QTMAN: variants seen among roughly 807,000 people sequenced by gnomAD.
QTMAN encodes the protein queuosine-tRNA mannosyltransferase.
chr2:144,052,184 A>G, the QTMAN span, among the ~76,000 whole-genome samples: 1,442 of 152,274 alleles, frequency 9.5e-3, 13 homozygotes, highest in Middle Eastern at 0.017. Context: ...CAGAAATGTT[A>G]AAGAGTCTGG....
the QTMAN span, among the ~76,000 whole-genome samples, chr2:144,272,637 T>A: frequency 6.6e-6 from 1 of 152,124 alleles, no homozygotes; most frequent in Non-Finnish European, 1.5e-5. Context: ...TCTGGGTTCT[T>A]CACAAGGCAA....
the QTMAN span, among the ~76,000 whole-genome samples, chr2:143,976,772 C>A: frequency 2.0e-5 from 3 of 152,344 alleles, no homozygotes; most frequent in South Asian, 6.2e-4. Context: ...CTTTCTCTAA[C>A]CCTACAGGTG....
At chr2:143,968,752 C>T in the QTMAN span, among the ~76,000 whole-genome samples, 1 of 152,076 alleles carries the variant, frequency 6.6e-6, no homozygotes, top group African/African-American at 2.4e-5. Flanking sequence ...CTTTTCTTTC[C>T]TTCCTTCTGT....
At chr2:144,127,791 T>A in the QTMAN span, 1 of 152,022 alleles carries the variant, frequency 6.6e-6, no homozygotes, top group Non-Finnish European at 1.5e-5. Context: ...GTGACATAAG[T>A]TGACCAAGAT....
chr2:144,195,530 C>CT, the QTMAN span, among the ~76,000 whole-genome samples: 1 of 152,058 alleles, frequency 6.6e-6, no homozygotes, highest in Non-Finnish European at 1.5e-5. Flanking sequence ...TAAAATAAAA[C>CT]TGATTGAAAG....
At chr2:143,984,818 C>A in the QTMAN span, among the ~76,000 whole-genome samples, 1 of 152,160 alleles carries the variant, frequency 6.6e-6, no homozygotes, top group African/African-American at 2.4e-5. Flanking sequence ...GAGAGATTAC[C>A]TTCCTTTTCC....
chr2:144,118,408 C>T, the QTMAN span, among the ~76,000 whole-genome samples: 1 of 152,030 alleles, frequency 6.6e-6, no homozygotes, highest in African/African-American at 2.4e-5. Context: ...TATCCATATT[C>T]CAAAAAGCTA....
At chr2:144,179,952 T>C in the QTMAN span, among the ~76,000 whole-genome samples, 3 of 152,208 alleles carry the variant, frequency 2.0e-5, no homozygotes, top group Admixed American at 6.6e-5. Context: ...TTTGTTGTTG[T>C]AAAGGTGTAT....
the QTMAN span, among the ~76,000 whole-genome samples, chr2:143,959,796 AT>A: frequency 6.6e-6 from 1 of 152,122 alleles, no homozygotes; most frequent in Non-Finnish European, 1.5e-5. Flanking sequence ...CAAAATGGAT[AT>A]ATTTTATATA....
chr2:144,200,507 A>G, the QTMAN span, among the ~76,000 whole-genome samples: 2 of 152,252 alleles, frequency 1.3e-5, no homozygotes, highest in Admixed American at 1.3e-4. Context: ...ACGAACAATA[A>G]CAATAGCTGA....
At chr2:143,996,246 C>A in the QTMAN span, among the ~76,000 whole-genome samples, 2 of 151,998 alleles carry the variant, frequency 1.3e-5, no homozygotes, top group Non-Finnish European at 2.9e-5. Flanking sequence ...GTCTGTCCAG[C>A]GAGGAGGAAG....
the QTMAN span, among the ~76,000 whole-genome samples, chr2:144,280,238 T>C: frequency 1.3e-5 from 2 of 152,184 alleles, no homozygotes; most frequent in Admixed American, 6.5e-5. Flanking sequence ...CTCTTTTATT[T>C]ACTAACAGAC....
the QTMAN span, among the ~76,000 whole-genome samples, chr2:144,014,479 C>T: frequency 6.6e-6 from 1 of 151,938 alleles, no homozygotes; most frequent in Admixed American, 6.6e-5. Context: ...GAGGAATCTG[C>T]GATAAGATAG....
At chr2:143,976,533 T>C in the QTMAN span, among the ~76,000 whole-genome samples, 3 of 152,146 alleles carry the variant, frequency 2.0e-5, no homozygotes, top group Non-Finnish European at 4.4e-5. Context: ...ATTACCGACT[T>C]CTCCACTATG....
At chr2:144,064,485 T>C in the QTMAN span, among the ~76,000 whole-genome samples, 18 of 152,218 alleles carry the variant, frequency 1.2e-4, 1 homozygote, top group Admixed American at 1.2e-3. Context: ...GTCCCTGTAC[T>C]GGGATTTCAC....
At chr2:144,219,176 G>A in the QTMAN span, among the ~76,000 whole-genome samples, 1 of 151,964 alleles carries the variant, frequency 6.6e-6, no homozygotes, top group African/African-American at 2.4e-5. Flanking sequence ...TGTTGCCCAG[G>A]CTGGAGTGCA....
chr2:144,290,178 T>C, the QTMAN span, among the ~76,000 whole-genome samples: 5 of 152,110 alleles, frequency 3.3e-5, no homozygotes, highest in East Asian at 9.6e-4. Context: ...CTGAACCTAT[T>C]CTGGCTGGGG....
the QTMAN span, chr2:143,970,797 C>A: frequency 3.5e-6 from 4 of 1,134,582 alleles, no homozygotes; most frequent in Non-Finnish European, 5.4e-6. Context: ...ACTTGTGTTA[C>A]CTTAGGGCAT....
the QTMAN span, among the ~76,000 whole-genome samples, chr2:144,193,175 T>C: frequency 2.6e-5 from 4 of 152,030 alleles, no homozygotes; most frequent in Non-Finnish European, 5.9e-5. Context: ...GTTTACTAGA[T>C]AAGAGAGCAA....
Sources: gnomAD v4.1 joint callset for allele counts (sites outside exome capture counted in the v4.1 genomes callset) on GRCh38, gnomAD v4.1.1 for gene constraint, MANE v1.5 for transcripts, NCBI Gene and HGNC (gene_info 2026-07-23, HGNC 2026-07-21) for gene names.